DSCAM: variants seen among roughly 807,000 people sequenced by gnomAD.
The protein encoded by DSCAM is cell adhesion molecule DSCAM.
A neutral mutation model predicts 217.7 loss-of-function variants in DSCAM; 47 were observed. That is an observed-to-expected ratio of 0.22 (90% CI 0.17 to 0.28). The LOEUF is 0.28. DSCAM is among the 10% of genes least tolerant of loss of function. The probability of loss-of-function intolerance (pLI) is 1.00; values close to 1 mark genes in which losing one functional copy is unlikely to be tolerated. For synonymous variants in DSCAM, 1,056 were observed against 1,015.3 expected (o/e 1.04, Z -0.76); for missense variants, 2,080 against 2,618.3 (o/e 0.79, Z 4.49).
chr21:40,465,540 T>C (rs1344535752), intron 3 of DSCAM, among the ~76,000 whole-genome samples: 1 of 152,188 alleles, frequency 6.6e-6, no homozygotes, highest in Non-Finnish European at 1.5e-5. Context: ...TTCATCTCAT[T>C]TCCTTTAGAG....
At chr21:40,269,817 G>A (rs930798825) in intron 11 of DSCAM, among the ~76,000 whole-genome samples, 7 of 152,122 alleles carry the variant, frequency 4.6e-5, no homozygotes, top group South Asian at 2.1e-4. Flanking sequence ...GGGATCCGGC[G>A]GCCTACTTCA....
At chr21:40,509,129 A>G (rs1224583328) in intron 3 of DSCAM, among the ~76,000 whole-genome samples, 1 of 152,084 alleles carries the variant, frequency 6.6e-6, no homozygotes, top group Non-Finnish European at 1.5e-5. Context: ...TTTTTTCTCT[A>G]AAATTCTGCA....
rs150384289 is a variant in DSCAM, at chr21:40,249,001, G to A, written c.2356+27096C>T. Reference sequence around the variant, plus strand: ...TCATGAGACTTATTCACCATCACACGAATAGCACAGGAAAGACTGACCCCC... The same window carrying A: ...TCATGAGACTTATTCACCATCACACAAATAGCACAGGAAAGACTGACCCCC... On this transcript the variant is annotated intron_variant, in intron 11 of 32. Coordinates refer to ENST00000400454, the MANE Select transcript of DSCAM (RefSeq NM_001389.5). Among the ~76,000 whole-genome samples, 7 of 152,168 alleles carry A rather than the reference G, an allele frequency of 4.6e-5. No individual in the cohort carries two copies. In the East Asian group the frequency reaches 7.8e-4, roughly 17 times the overall value.
intron 3 of DSCAM, among the ~76,000 whole-genome samples, chr21:40,654,487 A>G (rs1322534099): frequency 6.6e-6 from 1 of 152,234 alleles, no homozygotes; most frequent in Non-Finnish European, 1.5e-5. Context: ...ACCTGGTGGC[A>G]CAAAATAACA....
intron 3 of DSCAM, among the ~76,000 whole-genome samples, chr21:40,639,208 CA>C (rs1354106261): frequency 6.6e-6 from 1 of 152,052 alleles, no homozygotes; most frequent in Non-Finnish European, 1.5e-5. Context: ...GGAGTAACGC[CA>C]AAACACGGCA....
chr21:40,135,154 G>A (rs914907340), intron 18 of DSCAM, among the ~76,000 whole-genome samples: 2 of 152,182 alleles, frequency 1.3e-5, no homozygotes, highest in African/African-American at 4.8e-5. Flanking sequence ...CTAGGGGAAG[G>A]GGCTGTCAGC....
chr21:40,530,699 C>T (rs1005586195), intron 3 of DSCAM, among the ~76,000 whole-genome samples: 1 of 152,124 alleles, frequency 6.6e-6, no homozygotes, highest in Non-Finnish European at 1.5e-5. Flanking sequence ...ACCAAACCAC[C>T]CTTTCTCCAC....
intron 3 of DSCAM, among the ~76,000 whole-genome samples, chr21:40,400,917 A>G (rs1436939521): frequency 2.0e-5 from 3 of 152,256 alleles, no homozygotes; most frequent in African/African-American, 7.2e-5. Context: ...ACACTAAAAA[A>G]TCATATTTGT....
intron 11 of DSCAM, among the ~76,000 whole-genome samples, chr21:40,216,577 T>C (rs2091245571): frequency 6.6e-6 from 1 of 152,224 alleles, no homozygotes; most frequent in South Asian, 2.1e-4. Flanking sequence ...CATCATCAGT[T>C]ACAAAACCAA....
At chr21:40,014,211 C>T (rs942645856) in intron 32 of DSCAM, among the ~76,000 whole-genome samples, 5 of 152,080 alleles carry the variant, frequency 3.3e-5, no homozygotes, top group Admixed American at 1.3e-4. Context: ...GCCAACATGG[C>T]AAAACCCCCT....
chr21:40,153,577 G>C (rs747726999), intron 16 of DSCAM, among the ~76,000 whole-genome samples: 5 of 152,164 alleles, frequency 3.3e-5, no homozygotes, highest in Non-Finnish European at 5.9e-5. Context: ...TGAAGCTAGG[G>C]ACATATCTAC....
At chr21:40,800,077 G>T (rs1237970447) in intron 1 of DSCAM, among the ~76,000 whole-genome samples, 1 of 152,194 alleles carries the variant, frequency 6.6e-6, no homozygotes, top group Non-Finnish European at 1.5e-5. Context: ...AGGAAAAACG[G>T]AGACTTGAAC....
At chr21:40,676,227 C>A (rs2146412551) in intron 3 of DSCAM, among the ~76,000 whole-genome samples, 1 of 152,264 alleles carries the variant, frequency 6.6e-6, no homozygotes, top group African/African-American at 2.4e-5. Flanking sequence ...GAGAAACATT[C>A]ATCTTATGTC....
At chr21:40,751,913 C>T (rs941600295) in intron 1 of DSCAM, among the ~76,000 whole-genome samples, 1 of 151,982 alleles carries the variant, frequency 6.6e-6, no homozygotes, top group East Asian at 1.9e-4. Context: ...TATAAATGAC[C>T]CCATCCCCAT....
chr21:40,677,775 C>T (rs186634104), intron 3 of DSCAM, among the ~76,000 whole-genome samples: 5 of 152,162 alleles, frequency 3.3e-5, no homozygotes, highest in South Asian at 2.1e-4. Context: ...AGACACCATT[C>T]GCCTCTTCTG....
At chr21:40,334,462 G>A (rs994527941) in intron 8 of DSCAM, among the ~76,000 whole-genome samples, 2 of 151,986 alleles carry the variant, frequency 1.3e-5, no homozygotes, top group Non-Finnish European at 1.5e-5. Flanking sequence ...TAGGAAAACC[G>A]ACTGAATAGA....
At chr21:40,778,229 T>C (rs539877275) in intron 1 of DSCAM, among the ~76,000 whole-genome samples, 1 of 152,154 alleles carries the variant, frequency 6.6e-6, no homozygotes, top group Non-Finnish European at 1.5e-5. Flanking sequence ...TATAAAACAG[T>C]AAGCAAATCC....
chr21:40,570,044 T>A (rs57319873), intron 3 of DSCAM, among the ~76,000 whole-genome samples: 4,100 of 152,204 alleles, frequency 0.027, 163 homozygotes, highest in African/African-American at 0.093. Context: ...GCAGTGGCCT[T>A]CAAAGGCTGA....
At chr21:40,845,853 C>T (rs567723189) in intron 1 of DSCAM, among the ~76,000 whole-genome samples, 64 of 152,240 alleles carry the variant, frequency 4.2e-4, no homozygotes, top group Non-Finnish European at 4.1e-4. Context: ...TGCAGTCACA[C>T]TTACTAATTG....
Sources: gnomAD v4.1 joint callset for allele counts (sites outside exome capture counted in the v4.1 genomes callset) on GRCh38, gnomAD v4.1.1 for gene constraint, MANE v1.5 for transcripts, NCBI Gene and HGNC (gene_info 2026-07-23, HGNC 2026-07-21) for gene names.